Variants in ALDH1A1 observed in about 807,000 individuals in gnomAD.
ALDH1A1 encodes the protein aldehyde dehydrogenase 1 family member A1.
A neutral mutation model predicts 62.1 loss-of-function variants in ALDH1A1; 19 were observed. That is an observed-to-expected ratio of 0.31 (90% CI 0.21 to 0.45). The LOEUF is 0.45. Among genes scored for constraint, ALDH1A1 ranks in the 20% least tolerant of loss-of-function variants. The pLI, the probability that ALDH1A1 is intolerant of heterozygous loss-of-function variation, is 1.00. For missense variants in ALDH1A1, 521 were observed against 607.1 expected, an observed-to-expected ratio of 0.86 and a Z score of 1.49; for synonymous variants, 231 against 215.9, an observed-to-expected ratio of 1.07 and a Z score of -0.61.
At position 72,942,301 on chromosome 9, in the gene ALDH1A1, G is replaced by A. The variant is rs200831722; in HGVS notation, c.67-2049C>T. 3.6e-5 allele frequency: 35 copies of A among 984,992 alleles called. No individual in the cohort carries two copies. In the East Asian group the frequency reaches 4.5e-4, roughly 13 times the overall value. The allele number at this position is 984,992 out of a possible 1,614,324, so 61.0% of individuals were successfully genotyped here. A position where few individuals can be genotyped will look rare whatever the true frequency, so the allele number is the denominator to read the frequency against. On this transcript the variant is annotated intron_variant, in intron 1 of 12. Coordinates refer to ENST00000297785, the MANE Select transcript of ALDH1A1 (RefSeq NM_000689.5). ...GGAAAGAACTTAATCAACTTGTCCC[G>A]AACTCAGCTCACTGTCATCTCTAGC...
At chr9:72,926,662 G>A (rs1366812652) in intron 5 of ALDH1A1, among the ~76,000 whole-genome samples, 1 of 152,194 alleles carries the variant, frequency 6.6e-6, no homozygotes, top group African/African-American at 2.4e-5. Context: ...TGTGTCATGA[G>A]TTGAACACTC....
chr9:72,929,736 C>T (rs1830256236), intron 3 of ALDH1A1, among the ~76,000 whole-genome samples: 1 of 152,166 alleles, frequency 6.6e-6, no homozygotes, highest in Admixed American at 6.5e-5. Flanking sequence ...GGCAGAAATG[C>T]ACAGGTGATG....
chr9:72,912,120 A>G lies in ALDH1A1; in HGVS notation c.1038T>C (p.Ile346=), dbSNP rs1421027657. The G allele has an allele frequency of 1.9e-6, 3 of 1,609,166 alleles. No homozygotes were observed. The highest frequency in any genetic ancestry group is 1.7e-5 in the Admixed American group (1 of 59,052). ...LTPGVTQGPQ[I]DKEQYDKILD... is the part of the protein sequence containing the mutation. The stretch of plus-strand genomic sequence containing the variant: ...GTATTTTATCATATTGTTCCTTGTC[A>G]ATCTATTTGAAAAATATCACATGAA... Residue 346 remains isoleucine (I), a splice_region_variant and synonymous_variant, in exon 10 of 13, where the codon ATT becomes ATC. Coordinates refer to ENST00000297785, the MANE Select transcript of ALDH1A1 (RefSeq NM_000689.5).
At chr9:72,911,878 A>G (rs1829994573) in intron 10 of ALDH1A1, 80 bp downstream of exon 10, 3 of 1,505,948 alleles carry the variant, frequency 2.0e-6, no homozygotes, top group Non-Finnish European at 2.8e-6. Flanking sequence ...AGAGCTGGGA[A>G]TTTTAAAGTG....
intron 2 of ALDH1A1, among the ~76,000 whole-genome samples, chr9:72,933,732 G>A (rs1036518831): frequency 6.6e-6 from 1 of 152,014 alleles, no homozygotes; most frequent in Non-Finnish European, 1.5e-5. Context: ...ATTATTCAAT[G>A]GTGGCAATTG....
chr9:72,905,518 C>G (rs1406848487), intron 12 of ALDH1A1, among the ~76,000 whole-genome samples: 2 of 152,078 alleles, frequency 1.3e-5, no homozygotes, highest in Non-Finnish European at 2.9e-5. Flanking sequence ...TCCTCTTACA[C>G]TGAAATTTCC....
chr9:72,940,555 C>A (rs1335941211), intron 1 of ALDH1A1, among the ~76,000 whole-genome samples: 1 of 152,162 alleles, frequency 6.6e-6, no homozygotes, highest in Non-Finnish European at 1.5e-5. Flanking sequence ...TGAGGCAAAG[C>A]AAAGGCTTTT....
chr9:72,935,129 G>A (rs992839786), intron 2 of ALDH1A1, among the ~76,000 whole-genome samples: 1 of 152,050 alleles, frequency 6.6e-6, no homozygotes, highest in Non-Finnish European at 1.5e-5. Flanking sequence ...TATTTTAATA[G>A]ATTCCATGAT....
chr9:72,939,706 C>T (rs1332117895), intron 2 of ALDH1A1, among the ~76,000 whole-genome samples: 7 of 151,678 alleles, frequency 4.6e-5, no homozygotes, highest in Admixed American at 6.6e-5. Flanking sequence ...TTAGTAGAGA[C>T]GGTGTTTCCC....
At chr9:72,932,783 A>T (rs1830299113) in intron 2 of ALDH1A1, among the ~76,000 whole-genome samples, 1 of 152,210 alleles carries the variant, frequency 6.6e-6, no homozygotes, top group Admixed American at 6.5e-5. Flanking sequence ...AACCACAAAA[A>T]TCTGAGATTG....
intron 2 of ALDH1A1, among the ~76,000 whole-genome samples, chr9:72,938,881 T>C (rs1164509037): frequency 6.6e-6 from 1 of 151,920 alleles, no homozygotes; most frequent in Admixed American, 6.6e-5. Context: ...TAGCTGGGAT[T>C]ACAGGAACCC....
At position 72,949,665 on chromosome 9, in the gene ALDH1A1, G is replaced by A. The variant is rs571186555; in HGVS notation, c.66+3270C>T. Reference sequence around the variant, plus strand: ...TTATTTATTGTGTGTGTGTGTGTGCGTGTGTGTGTGTGTGTGTGTATGTAT... The same window carrying A: ...TTATTTATTGTGTGTGTGTGTGTGCATGTGTGTGTGTGTGTGTGTATGTAT... On this transcript the variant is annotated intron_variant, in intron 1 of 12. Transcript: ENST00000297785. 1.8e-3 allele frequency among the ~76,000 whole-genome samples: 261 copies of A among 141,918 alleles called. 1 individual carries two copies. Among genetic ancestry groups the A allele is most frequent in the African/African-American group, 6.1e-3 (245 of 40,086 alleles). 93.1% of individuals were successfully genotyped at this position (141,918 alleles called of 152,430 possible).
intron 1 of ALDH1A1, among the ~76,000 whole-genome samples, chr9:72,946,501 T>C (rs1830475992): frequency 6.6e-6 from 1 of 151,926 alleles, no homozygotes; most frequent in Non-Finnish European, 1.5e-5. Context: ...CAAGCAATGC[T>C]TCTAAGTTTG....
At position 72,909,722 on chromosome 9, in the gene ALDH1A1, G is replaced by T. The variant is rs1829956320; in HGVS notation, c.1238C>A (p.Ser413Tyr). 1 of 1,613,552 alleles carries T rather than the reference G, an allele frequency of 6.2e-7. No homozygotes were observed. Residue 413 changes from serine to tyrosine, a missense_variant, in exon 11 of 13, where the codon TCT becomes TAT. By Grantham distance (144) the Ser-to-Tyr change is moderately radical. Transcript: ENST00000297785. ...GPVQQIMKFK[S>Y]LDDVIKRANN... ...TGCTCTTTTGATCACGTCATCTAAA[G>T]ATTTAAACTTCATGATTTGCTGCAC... is the stretch of plus-strand genomic sequence containing the variant.
At chr9:72,916,416 A>G (rs997022211) in intron 9 of ALDH1A1, among the ~76,000 whole-genome samples, 6 of 152,160 alleles carry the variant, frequency 3.9e-5, no homozygotes, top group African/African-American at 1.2e-4. Flanking sequence ...TAACAACTGA[A>G]ATACGAAGTT....
intron 1 of ALDH1A1, among the ~76,000 whole-genome samples, chr9:72,944,013 C>A (rs1407156137): frequency 6.6e-6 from 1 of 151,930 alleles, no homozygotes; most frequent in Non-Finnish European, 1.5e-5. Context: ...AACAGAGCAG[C>A]TCCCAACAGA....
rs1271238426 is a variant in ALDH1A1, at chr9:72,917,042, C to A, written c.913G>T (p.Ala305Ser). The A allele has an allele frequency of 9.3e-6, 15 of 1,613,510 alleles. No individual in the cohort carries two copies. The highest frequency in any genetic ancestry group is 1.3e-5 in the Non-Finnish European group (15 of 1,179,760). ...VFYHQGQCCI[A>S]ASRIFVEESI... Reference sequence around the variant, plus strand: ...TCTTCCACAAAAATCCTGGATGCGGCTATACAACACTGGCCCTGGTGGTAG... The same window carrying A: ...TCTTCCACAAAAATCCTGGATGCGGATATACAACACTGGCCCTGGTGGTAG... The change falls in exon 9 of 13, where the codon GCC becomes TCC. Residue 305 changes from alanine (A) to serine (S), a missense_variant. By Grantham distance (99) the Ala-to-Ser change is moderately conservative. Transcript: ENST00000297785.
At chr9:72,934,068 T>C (rs1830318058) in intron 2 of ALDH1A1, among the ~76,000 whole-genome samples, 1 of 152,100 alleles carries the variant, frequency 6.6e-6, no homozygotes, top group African/African-American at 2.4e-5. Flanking sequence ...AGTGCTATGA[T>C]TGCAGGCATG....
rs144207822 is a variant in ALDH1A1 at position 72,911,099 on chromosome 9, A to G, written c.1200+859T>C. 3.8e-3 allele frequency among the ~76,000 whole-genome samples: 576 copies of G among 152,246 alleles called. 3 individuals carry two copies. Among genetic ancestry groups the G allele is most frequent in the African/African-American group, 0.013 (551 of 41,542 alleles). ...CTAATTTTGTATATTGTAGTTAAAT[A>G]CTTGGTGAGCATATATATAATGTAT... On this transcript the variant is annotated intron_variant, in intron 10 of 12. Coordinates refer to ENST00000297785, the MANE Select transcript of ALDH1A1 (RefSeq NM_000689.5).
Sources: gnomAD v4.1 joint callset for allele counts (sites outside exome capture counted in the v4.1 genomes callset) on GRCh38, gnomAD v4.1.1 for gene constraint, MANE v1.5 for transcripts, NCBI Gene and HGNC (gene_info 2026-07-23, HGNC 2026-07-21) for gene names.